The following SLC2A13 variants were observed in gnomAD, a reference collection of about 807,000 sequenced individuals.
SLC2A13 encodes the protein solute carrier family 2 member 13.
SLC2A13 carries 32 observed loss-of-function variants against 64.4 expected under a neutral mutation model. The observed-to-expected ratio is 0.50, with a 90% CI of 0.37 to 0.67. SLC2A13 has a LOEUF of 0.67. Among genes scored for constraint, SLC2A13 ranks in the 30% least tolerant of loss-of-function variants. The pLI is 0.00. For missense variants in SLC2A13, 743 were observed against 829.2 expected, an observed-to-expected ratio of 0.90 and a Z score of 1.28; for synonymous variants, 338 against 327.1, an observed-to-expected ratio of 1.03 and a Z score of -0.36.
intron 3 of SLC2A13, among the ~76,000 whole-genome samples, chr12:39,993,363 T>C (rs1947171823): frequency 6.6e-6 from 1 of 152,258 alleles, no homozygotes; most frequent in African/African-American, 2.4e-5. Context: ...GGCAAGCTTT[T>C]AGTGGAAACT....
At chr12:39,892,086 C>G (rs1944625698) in intron 4 of SLC2A13, among the ~76,000 whole-genome samples, 1 of 152,008 alleles carries the variant, frequency 6.6e-6, no homozygotes, top group African/African-American at 2.4e-5. Flanking sequence ...TGCAAATTAC[C>G]AAAAAGCATT....
At chr12:40,001,707 C>T in intron 3 of SLC2A13, among the ~76,000 whole-genome samples, 1 of 152,164 alleles carries the variant, frequency 6.6e-6, no homozygotes, top group East Asian at 1.9e-4. Flanking sequence ...GCAAAATTCA[C>T]TTCACTTAGC....
intron 4 of SLC2A13, among the ~76,000 whole-genome samples, chr12:39,909,507 A>ATTAAACACTCATTAAATACATT (rs1945373009): frequency 1.3e-5 from 2 of 152,258 alleles, no homozygotes; most frequent in Non-Finnish European, 2.9e-5. Context: ...ATAGTATTTC[A>ATTAAACACTCATTAAATACATT]GAACACTCAT....
intron 7 of SLC2A13, among the ~76,000 whole-genome samples, chr12:39,787,947 T>C (rs1022325894): frequency 6.6e-6 from 1 of 152,190 alleles, no homozygotes; most frequent in African/African-American, 2.4e-5. Flanking sequence ...TTGGTACTAA[T>C]GTAATATATG....
intron 3 of SLC2A13, among the ~76,000 whole-genome samples, chr12:39,966,134 T>TAG (rs1485704472): frequency 2.0e-4 from 30 of 148,880 alleles, no homozygotes; most frequent in Admixed American, 9.6e-4. Context: ...TGTATATATA[T>TAG]ATATAGAGAG....
intron 9 of SLC2A13, among the ~76,000 whole-genome samples, chr12:39,762,179 A>G (rs1043498047): frequency 1.3e-5 from 2 of 152,058 alleles, no homozygotes; most frequent in African/African-American, 4.8e-5. Flanking sequence ...GAGTGTGGGC[A>G]GACCTGGGAG....
chr12:39,896,305 TATAC>T (rs1944863915), intron 4 of SLC2A13, among the ~76,000 whole-genome samples: 1 of 141,826 alleles, frequency 7.1e-6, no homozygotes. Context: ...TGTATATATG[TATAC>T]ATATATGTAT....
chr12:39,830,506 T>C, intron 6 of SLC2A13: 1 of 1,106,194 alleles, frequency 9.0e-7, no homozygotes, highest in South Asian at 3.2e-5. Context: ...TCCCCATCAA[T>C]CTGGAGCAAA....
At chr12:39,948,615 A>T (rs1485900755) in intron 4 of SLC2A13, among the ~76,000 whole-genome samples, 1 of 152,158 alleles carries the variant, frequency 6.6e-6, no homozygotes, top group Non-Finnish European at 1.5e-5. Context: ...TGAGAAATAG[A>T]ATTCAAAATA....
At chr12:39,849,651 T>C (rs567983637) in intron 6 of SLC2A13, among the ~76,000 whole-genome samples, 1 of 152,300 alleles carries the variant, frequency 6.6e-6, no homozygotes, top group South Asian at 2.1e-4. Flanking sequence ...GTTGCTCCAA[T>C]TTCTCTCTGA....
At chr12:39,850,911 T>C (rs1943449475) in intron 6 of SLC2A13, among the ~76,000 whole-genome samples, 1 of 152,106 alleles carries the variant, frequency 6.6e-6, no homozygotes, top group Non-Finnish European at 1.5e-5. Flanking sequence ...AATTTTTTTT[T>C]TTTTTTGAGA....
At chr12:39,966,125 G>GTA (rs71441878) in intron 3 of SLC2A13, among the ~76,000 whole-genome samples, 6,796 of 147,134 alleles carry the variant, frequency 0.046, 244 homozygotes, top group Admixed American at 0.11. Context: ...ATGTGTGTGT[G>GTA]TATATATATA....
At chr12:39,896,437 C>T (rs991802003) in intron 4 of SLC2A13, among the ~76,000 whole-genome samples, 20 of 122,904 alleles carry the variant, frequency 1.6e-4, no homozygotes, top group African/African-American at 5.6e-4. Flanking sequence ...TATATGTATA[C>T]ATATATGTAT....
At chr12:40,044,444 A>T (rs1215988341) in intron 2 of SLC2A13, among the ~76,000 whole-genome samples, 1 of 152,166 alleles carries the variant, frequency 6.6e-6, no homozygotes, top group Non-Finnish European at 1.5e-5. Flanking sequence ...TGATTGTACA[A>T]TTTAAATGGA....
chr12:39,937,820 G>A (rs997498897), intron 4 of SLC2A13, among the ~76,000 whole-genome samples: 3 of 152,098 alleles, frequency 2.0e-5, no homozygotes, highest in Non-Finnish European at 4.4e-5. Flanking sequence ...CATCTAAGGA[G>A]GCTTTATTAG....
At chr12:39,934,223 A>T (rs1240650052) in intron 4 of SLC2A13, among the ~76,000 whole-genome samples, 1 of 152,250 alleles carries the variant, frequency 6.6e-6, no homozygotes. Flanking sequence ...TGAAGATTCT[A>T]TGAATGTCCA....
chr12:39,896,450 G>GTGTATATATGTACACATATATGTATA (rs1565528500), intron 4 of SLC2A13, among the ~76,000 whole-genome samples: 4 of 112,858 alleles, frequency 3.5e-5, no homozygotes, highest in Non-Finnish European at 7.3e-5. Flanking sequence ...ATATGTATAT[G>GTGTATATATGTACACATATATGTATA]TGTGTATATA....
intron 4 of SLC2A13, among the ~76,000 whole-genome samples, chr12:39,912,781 GCCCC>G (rs1382637020): frequency 1.3e-5 from 2 of 152,034 alleles, no homozygotes; most frequent in Non-Finnish European, 2.9e-5. Context: ...AGTATCCTCT[GCCCC>G]TCCCTGCTGT....
rs556477559 is a variant in SLC2A13, at chr12:39,832,488, T to C, written c.1320-2260A>G. Among the ~76,000 whole-genome samples, 8 of 152,192 alleles carry C rather than the reference T, an allele frequency of 5.3e-5. No individual in the cohort carries two copies. The South Asian group carries it at 1.7e-3, about 32-fold the overall frequency. ...TTATTGTGTGTGCATTTCAGGCATA[T>C]GAGATGTCATCCATAACAAATAACT... is the stretch of plus-strand genomic sequence containing the variant. On this transcript the variant is annotated intron_variant, in intron 6 of 9. Coordinates refer to ENST00000280871, the MANE Select transcript of SLC2A13 (RefSeq NM_052885.4).
Sources: allele counts gnomAD v4.1 joint callset (sites outside exome capture counted in the v4.1 genomes callset), GRCh38; gene constraint gnomAD v4.1.1; transcripts MANE v1.5; gene names NCBI Gene and HGNC (gene_info 2026-07-23, HGNC 2026-07-21).